TNIK: variants seen among roughly 807,000 people sequenced by gnomAD.
TNIK encodes TRAF2 and NCK interacting kinase, also known as TRAF2 and NCK-interacting protein kinase.
A neutral mutation model predicts 191.3 loss-of-function variants in TNIK; 49 were observed. The ratio of observed to expected loss-of-function variants is 0.26; its 90% CI spans 0.20 to 0.32. The LOEUF (loss-of-function observed/expected upper bound fraction) is 0.32. Ranked by LOEUF, TNIK falls within the 10% of genes least tolerant of loss-of-function variation. TNIK has a pLI of 1.00. For synonymous variants in TNIK, 594 were observed against 600.9 expected (o/e 0.99, Z 0.17); for missense variants, 1,155 against 1,702.3 (o/e 0.68, Z 5.66).
chr3:171,112,634 G>C (rs556648396), intron 18 of TNIK, among the ~76,000 whole-genome samples: 4 of 152,054 alleles, frequency 2.6e-5, no homozygotes, highest in Non-Finnish European at 5.9e-5. Context: ...AATGAGAGTT[G>C]CTGGGGTTTT....
At chr3:171,260,052 A>C (rs6772621) in intron 2 of TNIK, among the ~76,000 whole-genome samples, 84,522 of 151,856 alleles carry the variant, frequency 0.56, 24,204 homozygotes, top group African/African-American at 0.68. Context: ...AGCTAGAACC[A>C]CCTATCCTCA....
At chr3:171,187,968 T>C (rs1737574534) in intron 7 of TNIK, among the ~76,000 whole-genome samples, 2 of 152,194 alleles carry the variant, frequency 1.3e-5, no homozygotes, top group Admixed American at 1.3e-4. Context: ...TTGCCTTGAC[T>C]TTCAGTCACC....
At chr3:171,382,516 C>T (rs566454427) in intron 1 of TNIK, among the ~76,000 whole-genome samples, 27 of 152,272 alleles carry the variant, frequency 1.8e-4, no homozygotes, top group African/African-American at 4.3e-4. Flanking sequence ...CCACCGTGCC[C>T]GGCCTGAATA....
At chr3:171,129,568 TTCC>T (rs1728966949) in intron 15 of TNIK, among the ~76,000 whole-genome samples, 2 of 152,176 alleles carry the variant, frequency 1.3e-5, no homozygotes. Flanking sequence ...CTCCCCTTTC[TTCC>T]TCCCTGTTTC....
intron 3 of TNIK, among the ~76,000 whole-genome samples, chr3:171,215,357 A>T (rs1741333011): frequency 6.6e-6 from 1 of 152,202 alleles, no homozygotes; most frequent in Non-Finnish European, 1.5e-5. Context: ...ACTGTGTACC[A>T]GGAGGTATGT....
intron 2 of TNIK, among the ~76,000 whole-genome samples, chr3:171,248,418 T>A (rs2109070987): frequency 6.6e-6 from 1 of 152,160 alleles, no homozygotes; most frequent in East Asian, 1.9e-4. Flanking sequence ...AGGGAAGGGG[T>A]CTGCAAGGTG....
At chr3:171,128,566 TG>T in intron 16 of TNIK, 147 bp downstream of exon 16, 1 of 1,018,392 alleles carries the variant, frequency 9.8e-7, no homozygotes, top group Non-Finnish European at 1.3e-6. Context: ...TAAAAATCAG[TG>T]GGGCCACCTA....
intron 2 of TNIK, among the ~76,000 whole-genome samples, chr3:171,232,506 G>A (rs1217934516): frequency 1.3e-5 from 2 of 152,124 alleles, no homozygotes; most frequent in Non-Finnish European, 2.9e-5. Context: ...AGGATGAACT[G>A]AATTATTTTT....
At chr3:171,190,355 G>C (rs966034928) in intron 6 of TNIK, among the ~76,000 whole-genome samples, 1 of 152,024 alleles carries the variant, frequency 6.6e-6, no homozygotes, top group Non-Finnish European at 1.5e-5. Context: ...AAAAAAATTG[G>C]GTCCTAGTGC....
intron 2 of TNIK, among the ~76,000 whole-genome samples, chr3:171,273,063 G>T (rs61794362): frequency 1.1e-4 from 17 of 152,106 alleles, no homozygotes; most frequent in Non-Finnish European, 2.4e-4. Flanking sequence ...GGCCAGTGTG[G>T]CGCTCACACA....
chr3:171,312,000 T>G (rs1374044544), intron 2 of TNIK, among the ~76,000 whole-genome samples: 1 of 150,442 alleles, frequency 6.6e-6, no homozygotes, highest in African/African-American at 2.4e-5. Context: ...CGGGTGCGCC[T>G]GCCCACCCAC....
chr3:171,202,045 G>T (rs78019659), intron 4 of TNIK, among the ~76,000 whole-genome samples: 1,591 of 152,274 alleles, frequency 0.01, 34 homozygotes, highest in African/African-American at 0.037. Context: ...TCTGCCCAAA[G>T]GACAGGCCCA....
At position 171,295,178 on chromosome 3, in the gene TNIK, GAA is replaced by G. The variant is rs566114485; in HGVS notation, c.124-66959_124-66958del. ...GCCAGGAAATGGGTCTGACCTAGGA[GAA>G]AAAGTGTTTTGGGTTTCCATGAGCA... On this transcript the variant is annotated intron_variant, in intron 2 of 32. Transcript: ENST00000436636. Among the ~76,000 whole-genome samples the G allele has an allele frequency of 5.3e-4, 80 of 152,306 alleles. 1 individual carries two copies. In the South Asian group the frequency reaches 0.017, roughly 32 times the overall value.
chr3:171,221,367 G>C (rs1011807605), intron 3 of TNIK, among the ~76,000 whole-genome samples: 1 of 152,100 alleles, frequency 6.6e-6, no homozygotes, highest in Non-Finnish European at 1.5e-5. Context: ...TCCCAAATCT[G>C]GAGGTGCACC....
At chr3:171,146,664 C>T (rs1221721972) in intron 12 of TNIK, among the ~76,000 whole-genome samples, 21 of 152,044 alleles carry the variant, frequency 1.4e-4, no homozygotes, top group African/African-American at 4.1e-4. Flanking sequence ...CCAAGGCGAG[C>T]GGATCACCTG....
At chr3:171,083,231 C>T (rs1720912819) in intron 26 of TNIK, among the ~76,000 whole-genome samples, 1 of 152,166 alleles carries the variant, frequency 6.6e-6, no homozygotes, top group Non-Finnish European at 1.5e-5. Flanking sequence ...GTACTTCTAT[C>T]TTCTGATCAA....
At chr3:171,198,691 A>G (rs945990446) in intron 4 of TNIK, among the ~76,000 whole-genome samples, 2 of 152,226 alleles carry the variant, frequency 1.3e-5, no homozygotes, top group African/African-American at 4.8e-5. Flanking sequence ...ATAGGTGTTC[A>G]TTATACTGTT....
At chr3:171,433,048 T>C (rs1199187914) in intron 1 of TNIK, among the ~76,000 whole-genome samples, 3 of 152,188 alleles carry the variant, frequency 2.0e-5, no homozygotes, top group South Asian at 2.1e-4. Flanking sequence ...GAGGTCAGTG[T>C]AGGAGAAATA....
intron 2 of TNIK, among the ~76,000 whole-genome samples, chr3:171,242,233 T>G (rs79783622): frequency 6.6e-6 from 1 of 151,298 alleles, no homozygotes; most frequent in African/African-American, 2.4e-5. Context: ...CTGACATAAA[T>G]ATGGAAAGAC....
Sources: gnomAD v4.1 joint callset for allele counts (sites outside exome capture counted in the v4.1 genomes callset) on GRCh38, gnomAD v4.1.1 for gene constraint, MANE v1.5 for transcripts, NCBI Gene and HGNC (gene_info 2026-07-23, HGNC 2026-07-21) for gene names.